The following SRBD1 variants were observed in gnomAD, a reference collection of about 807,000 sequenced individuals.
SRBD1 encodes the protein S1 RNA binding domain 1.
In SRBD1, 88 loss-of-function variants were observed where a neutral mutation model predicts 115.3. The ratio of observed to expected loss-of-function variants is 0.76; its 90% CI spans 0.64 to 0.91. SRBD1 has a LOEUF of 0.91. Ranked by LOEUF, SRBD1 falls within the 40% of genes least tolerant of loss-of-function variation. The probability of loss-of-function intolerance (pLI) is 0.00; values close to 1 mark genes in which losing one functional copy is unlikely to be tolerated. For missense variants in SRBD1, 1,385 were observed against 1,177.4 expected, an observed-to-expected ratio of 1.18 and a Z score of -2.58; for synonymous variants, 509 against 407.7, an observed-to-expected ratio of 1.25 and a Z score of -2.99.
intron 16 of SRBD1, among the ~76,000 whole-genome samples, chr2:45,469,729 T>C (rs969543791): frequency 6.6e-6 from 1 of 152,220 alleles, no homozygotes; most frequent in African/African-American, 2.4e-5. Flanking sequence ...GTTGGGTTCA[T>C]ACACCTAGTC....
chr2:45,517,706 A>C (rs1671162332), intron 14 of SRBD1, among the ~76,000 whole-genome samples: 1 of 152,160 alleles, frequency 6.6e-6, no homozygotes, highest in African/African-American at 2.4e-5. Flanking sequence ...ATGTCTAGAT[A>C]ATTCAAGGCT....
chr2:45,501,462 C>T (rs929218526), intron 14 of SRBD1, among the ~76,000 whole-genome samples: 4 of 152,088 alleles, frequency 2.6e-5, no homozygotes, highest in Non-Finnish European at 4.4e-5. Context: ...GGGTGCAGCC[C>T]ACCAAGCGTG....
At chr2:45,567,112 G>C (rs963439722) in intron 9 of SRBD1, among the ~76,000 whole-genome samples, 5 of 152,028 alleles carry the variant, frequency 3.3e-5, no homozygotes, top group Admixed American at 6.6e-5. Flanking sequence ...CTCAATTTGT[G>C]CTTCATGTTG....
At chr2:45,546,920 A>T (rs1305065111) in intron 13 of SRBD1, 81 bp from the exon 14 acceptor site, 3 of 1,268,844 alleles carry the variant, frequency 2.4e-6, no homozygotes, top group Non-Finnish European at 3.4e-6. Context: ...AGAATGCACA[A>T]ATACTATTAT....
intron 16 of SRBD1, among the ~76,000 whole-genome samples, chr2:45,432,088 G>A (rs566890041): frequency 5.3e-4 from 81 of 151,670 alleles, no homozygotes; most frequent in African/African-American, 1.6e-3. Flanking sequence ...GGAGTGCAAC[G>A]GCACGATCTT....
At chr2:45,395,189 T>G (rs1667109919) in intron 19 of SRBD1, among the ~76,000 whole-genome samples, 1 of 152,216 alleles carries the variant, frequency 6.6e-6, no homozygotes, top group Admixed American at 6.5e-5. Context: ...GCGGAGTATC[T>G]TTCAAATCCT....
intron 14 of SRBD1, among the ~76,000 whole-genome samples, chr2:45,515,515 T>G (rs1671092758): frequency 6.6e-6 from 1 of 152,096 alleles, no homozygotes. Flanking sequence ...TCAGAAAGAT[T>G]CAAAAACTTG....
At chr2:45,536,000 T>C (rs1671752454) in intron 14 of SRBD1, among the ~76,000 whole-genome samples, 1 of 152,080 alleles carries the variant, frequency 6.6e-6, no homozygotes, top group South Asian at 2.1e-4. Context: ...TCTTTCAGCT[T>C]TGTATATGTC....
At chr2:45,571,693 A>G (rs1043250503) in intron 9 of SRBD1, among the ~76,000 whole-genome samples, 1 of 152,020 alleles carries the variant, frequency 6.6e-6, no homozygotes, top group African/African-American at 2.4e-5. Context: ...TAAGAGTTAG[A>G]AATTATAAAA....
At chr2:45,527,052 T>C (rs1671465212) in intron 14 of SRBD1, among the ~76,000 whole-genome samples, 1 of 151,920 alleles carries the variant, frequency 6.6e-6, no homozygotes, top group Non-Finnish European at 1.5e-5. Flanking sequence ...TTTTTTAAAA[T>C]GTAGCTTTAA....
At chr2:45,403,045 T>A (rs998211260) in intron 19 of SRBD1, among the ~76,000 whole-genome samples, 1 of 152,122 alleles carries the variant, frequency 6.6e-6, no homozygotes, top group Non-Finnish European at 1.5e-5. Flanking sequence ...CACACAGACA[T>A]GACAGTTTCT....
rs1673438226 is a variant in SRBD1 at position 45,583,845 on chromosome 2, C to G, written c.815+1763G>C. On this transcript the variant is annotated intron_variant, in intron 5 of 20. Coordinates refer to ENST00000263736, the MANE Select transcript of SRBD1 (RefSeq NM_018079.5). ...ACTTCAAGGAATATTCACTCCTCTACTAATATTCAATGTATTCCCCTATTC... is the reference window on the plus strand; with the variant it reads ...ACTTCAAGGAATATTCACTCCTCTAGTAATATTCAATGTATTCCCCTATTC... Among the ~76,000 whole-genome samples the G allele has an allele frequency of 2.0e-5, 3 of 152,152 alleles. No individual in the cohort carries two copies. The South Asian group carries it at 6.2e-4, about 32-fold the overall frequency.
chr2:45,569,006 G>T (rs968611533), intron 9 of SRBD1, among the ~76,000 whole-genome samples: 1 of 152,222 alleles, frequency 6.6e-6, no homozygotes, highest in East Asian at 1.9e-4. Context: ...AGATATAATA[G>T]TGAAACATTT....
At chr2:45,409,774 G>A (rs1014817807) in intron 19 of SRBD1, among the ~76,000 whole-genome samples, 1 of 152,000 alleles carries the variant, frequency 6.6e-6, no homozygotes, top group Non-Finnish European at 1.5e-5. Flanking sequence ...CAATAGTGTT[G>A]AAAAACATAT....
At chr2:45,533,354 G>A (rs1446061760) in intron 14 of SRBD1, among the ~76,000 whole-genome samples, 1 of 151,934 alleles carries the variant, frequency 6.6e-6, no homozygotes, top group Non-Finnish European at 1.5e-5. Context: ...CTACAGAGAT[G>A]GTTACTAAAA....
At chr2:45,414,101 C>G (rs528857362) in intron 18 of SRBD1, among the ~76,000 whole-genome samples, 58 of 152,182 alleles carry the variant, frequency 3.8e-4, no homozygotes, top group Non-Finnish European at 6.9e-4. Context: ...CACTGGCAAA[C>G]ATCAGATGTC....
chr2:45,578,579 T>A (rs1216199468), intron 7 of SRBD1, among the ~76,000 whole-genome samples: 1 of 152,176 alleles, frequency 6.6e-6, no homozygotes, highest in East Asian at 1.9e-4. Context: ...GGCTATAGTA[T>A]GCTATAATTT....
intron 4 of SRBD1, among the ~76,000 whole-genome samples, chr2:45,596,395 A>G (rs1010545667): frequency 6.6e-6 from 1 of 152,200 alleles, no homozygotes; most frequent in Non-Finnish European, 1.5e-5. Context: ...CCAAACATTA[A>G]AAGTCTAGGT....
intron 16 of SRBD1, among the ~76,000 whole-genome samples, chr2:45,466,961 G>C (rs1669506899): frequency 6.6e-6 from 1 of 152,142 alleles, no homozygotes; most frequent in African/African-American, 2.4e-5. Context: ...GCTCACTCCA[G>C]GTTAACTGAA....
Sources: allele counts gnomAD v4.1 joint callset (sites outside exome capture counted in the v4.1 genomes callset), GRCh38; gene constraint gnomAD v4.1.1; transcripts MANE v1.5; gene names NCBI Gene and HGNC (gene_info 2026-07-23, HGNC 2026-07-21).